The following SLC14A2 variants were observed in gnomAD, a reference collection of about 807,000 sequenced individuals.
The protein encoded by SLC14A2 is solute carrier family 14 member 2.
SLC14A2 carries 91 observed loss-of-function variants against 104.6 expected under a neutral mutation model. That is an observed-to-expected ratio of 0.87 (90% confidence interval 0.73 to 1.04). The LOEUF is 1.04. Among genes scored for constraint, SLC14A2 ranks in the 50% least tolerant of loss-of-function variants. The probability of loss-of-function intolerance (pLI) is 0.00; values close to 1 mark genes in which losing one functional copy is unlikely to be tolerated. For synonymous variants in SLC14A2, 476 were observed against 466.4 expected, an observed-to-expected ratio of 1.02 and a Z score of -0.27; for missense variants, 1,189 against 1,156.0, an observed-to-expected ratio of 1.03 and a Z score of -0.41.
chr18:45,644,947 T>C (rs577542384), intron 10 of SLC14A2, among the ~76,000 whole-genome samples: 24 of 152,304 alleles, frequency 1.6e-4, no homozygotes, highest in South Asian at 4.1e-4. Context: ...TTGCTGCACC[T>C]ATCAACCCGT....
chr18:45,378,901 G>A (rs554972815), intron 1 of SLC14A2, among the ~76,000 whole-genome samples: 44 of 152,176 alleles, frequency 2.9e-4, no homozygotes, highest in African/African-American at 1.0e-3. Context: ...GTGAGCCACC[G>A]CTCCTGGTCG....
In SLC14A2 at chr18:45,641,307, C is replaced by T. The variant is rs1316719918; in HGVS notation, c.1090C>T (p.Leu364Phe). The T allele has an allele frequency of 1.9e-6, 3 of 1,614,212 alleles. No individual in the cohort carries two copies. Among genetic ancestry groups the T allele is most frequent in the Non-Finnish European group, 2.5e-6 (3 of 1,180,022 alleles). Residue 364 changes from leucine to phenylalanine, a missense_variant, in exon 8 of 20, where the codon CTC (leucine) becomes TTC (phenylalanine). Leu to Phe is a conservative substitution (Grantham distance 22). Transcript: ENST00000255226. ...CIAIGGMFYA[L>F]TWQTHLLALI... is the part of the protein sequence containing the mutation. ...CGCCATCGGAGGCATGTTCTATGCC[C>T]TCACCTGGCAGACTCACCTGCTGGC... is the stretch of plus-strand genomic sequence containing the variant.
At chr18:45,469,087 T>A (rs1051718131) in intron 1 of SLC14A2, among the ~76,000 whole-genome samples, 1 of 152,096 alleles carries the variant, frequency 6.6e-6, no homozygotes, top group Non-Finnish European at 1.5e-5. Context: ...AAGCAGGATT[T>A]GGATATGTAG....
rs1050917383 is a variant in SLC14A2 at position 45,390,470 on chromosome 18, G to A, written c.-124-92763G>A. Among the ~76,000 whole-genome samples, 8 of 152,120 alleles carry A rather than the reference G, an allele frequency of 5.3e-5. No individual in the cohort carries two copies. In the East Asian group the frequency reaches 1.5e-3, roughly 29 times the overall value. ...TTGTCTGCCCCACGCCCTAGTAGGT[G>A]AATTTATTCATTTATCATTAAACAA... On this transcript the variant is annotated intron_variant, in intron 1 of 20. Transcript: ENST00000586448.
chr18:45,654,260 A>C (rs2045793005), intron 10 of SLC14A2, among the ~76,000 whole-genome samples: 1 of 152,128 alleles, frequency 6.6e-6, no homozygotes, highest in Non-Finnish European at 1.5e-5. Flanking sequence ...CAAGCTAGTG[A>C]ATTTATAGCA....
chr18:45,605,122 T>A (rs750670981), intron 2 of SLC14A2, among the ~76,000 whole-genome samples: 6 of 152,186 alleles, frequency 3.9e-5, no homozygotes, highest in Non-Finnish European at 7.3e-5. Flanking sequence ...AGGGCCTGCA[T>A]GAGCAACCAC....
chr18:45,469,711 C>T (rs918311707), intron 1 of SLC14A2, among the ~76,000 whole-genome samples: 1 of 152,118 alleles, frequency 6.6e-6, no homozygotes, highest in African/African-American at 2.4e-5. Context: ...ATTATGTCCA[C>T]CTACTTTCAG....
upstream of SLC14A2, among the ~76,000 whole-genome samples, chr18:45,613,810 T>A (rs1320758089): frequency 6.6e-6 from 1 of 152,206 alleles, no homozygotes; most frequent in Non-Finnish European, 1.5e-5. Context: ...ACAGAGAGAT[T>A]GTTTGAAATT....
At chr18:45,445,918 G>A (rs1386877702) in intron 1 of SLC14A2, among the ~76,000 whole-genome samples, 1 of 152,228 alleles carries the variant, frequency 6.6e-6, no homozygotes, top group South Asian at 2.1e-4. Context: ...TTTCAGGAAA[G>A]TGGTTCTTTT....
At position 45,637,263 on chromosome 18, in the gene SLC14A2, T is replaced by C. The variant is rs2045433843; in HGVS notation, c.843+81T>C. On this transcript the variant is annotated intron_variant, in intron 6 of 19. Transcript: ENST00000255226. ...CGCCAACCAATTTGTGGACTATCCA[T>C]GCTCTCAACTTCTCTAGAAACATCT... 2.7e-6 allele frequency: 3 copies of C among 1,114,226 alleles called. No homozygotes were observed. In the South Asian group the frequency reaches 4.4e-5, roughly 16 times the overall value. 69.0% of individuals were successfully genotyped at this position (1,114,226 alleles called of 1,614,324 possible).
the SLC14A2 span, among the ~76,000 whole-genome samples, chr18:45,185,270 T>C: frequency 1.3e-5 from 2 of 152,210 alleles, no homozygotes; most frequent in Non-Finnish European, 2.9e-5. Context: ...ATATTTTTCT[T>C]GAACTTGGAG....
chr18:45,576,178 C>G (rs2144348467), intron 2 of SLC14A2, among the ~76,000 whole-genome samples: 1 of 151,838 alleles, frequency 6.6e-6, no homozygotes, highest in Admixed American at 6.6e-5. Flanking sequence ...ATGATTGTCT[C>G]TCCTGGTTCT....
intron 2 of SLC14A2, among the ~76,000 whole-genome samples, chr18:45,593,175 G>A (rs943822492): frequency 3.9e-5 from 6 of 151,950 alleles, no homozygotes; most frequent in Admixed American, 6.6e-5. Flanking sequence ...AAAATTAGCC[G>A]GGCGTGGTGG....
chr18:45,211,727 A>G (rs145197987), upstream of SLC14A2, among the ~76,000 whole-genome samples: 6 of 152,304 alleles, frequency 3.9e-5, no homozygotes, highest in East Asian at 1.2e-3. Context: ...TGTACACTAC[A>G]TTCTTTAGTC....
intron 1 of SLC14A2, among the ~76,000 whole-genome samples, chr18:45,408,748 T>A (rs1195827486): frequency 6.6e-6 from 1 of 151,896 alleles, no homozygotes; most frequent in African/African-American, 2.4e-5. Context: ...TTGAAGCTGT[T>A]GAAAGTGTGA....
chr18:45,576,747 G>A (rs77663701), intron 2 of SLC14A2, among the ~76,000 whole-genome samples: 8,706 of 152,218 alleles, frequency 0.057, 271 homozygotes, highest in African/African-American at 0.066. Context: ...TTATTCAGAT[G>A]TGGTGAGGCC....
At chr18:45,628,000 CA>C (rs58009345) in intron 4 of SLC14A2, among the ~76,000 whole-genome samples, 1,104 of 83,630 alleles carry the variant, frequency 0.013, 4 homozygotes, top group African/African-American at 0.025. Context: ...AAGACTTTCT[CA>C]AAAAAAAAAA....
At chr18:45,592,239 A>G (rs2044658646) in intron 2 of SLC14A2, among the ~76,000 whole-genome samples, 1 of 152,126 alleles carries the variant, frequency 6.6e-6, no homozygotes, top group Admixed American at 6.5e-5. Context: ...TTAATGTAAA[A>G]TGAGAAAATT....
intron 2 of SLC14A2, among the ~76,000 whole-genome samples, chr18:45,587,318 T>C (rs1469960835): frequency 1.3e-5 from 2 of 152,210 alleles, no homozygotes; most frequent in Non-Finnish European, 2.9e-5. Context: ...ACTATACTAA[T>C]AACACAGTAA....
Sources: allele counts gnomAD v4.1 joint callset (sites outside exome capture counted in the v4.1 genomes callset), GRCh38; gene constraint gnomAD v4.1.1; transcripts MANE v1.5; gene names NCBI Gene and HGNC (gene_info 2026-07-23, HGNC 2026-07-21).